Variants in ALK observed in about 807,000 individuals in gnomAD.
ALK encodes the protein ALK tyrosine kinase receptor.
In ALK, 74 loss-of-function variants were observed where a neutral mutation model predicts 163.1. The ratio of observed to expected loss-of-function variants is 0.45; its 90% CI spans 0.38 to 0.55. The LOEUF (loss-of-function observed/expected upper bound fraction) is 0.55. Ranked by LOEUF, ALK falls within the 20% of genes least tolerant of loss-of-function variation. The pLI is 0.00. For missense variants in ALK, 2,063 were observed against 2,105.3 expected, an observed-to-expected ratio of 0.98 and a Z score of 0.39; for synonymous variants, 960 against 843.2, an observed-to-expected ratio of 1.14 and a Z score of -2.40.
chr2:29,578,193 C>G (rs1674578842), intron 3 of ALK, among the ~76,000 whole-genome samples: 1 of 151,716 alleles, frequency 6.6e-6, no homozygotes, highest in Non-Finnish European at 1.5e-5. Flanking sequence ...AACGAGTTTC[C>G]CTACACAAGC....
intron 1 of ALK, among the ~76,000 whole-genome samples, chr2:29,884,032 AAATGTGAACAAATGTAAAG>A (rs1666930856): frequency 6.6e-6 from 1 of 152,234 alleles, no homozygotes; most frequent in South Asian, 2.1e-4. Flanking sequence ...TAATTGAGAG[AAATGTGAACAAATGTAAAG>A]ATGCAGCATT....
chr2:29,405,797 T>C (rs1669567613), intron 4 of ALK, among the ~76,000 whole-genome samples: 1 of 152,198 alleles, frequency 6.6e-6, no homozygotes, highest in African/African-American at 2.4e-5. Context: ...ATAATGAAGA[T>C]AGAAATGATA....
chr2:29,489,563 G>T (rs1256745713), intron 4 of ALK, among the ~76,000 whole-genome samples: 1 of 152,202 alleles, frequency 6.6e-6, no homozygotes, highest in African/African-American at 2.4e-5. Context: ...GCCTCCCAAA[G>T]TATTGGGATT....
chr2:29,517,782 T>C (rs975329251), intron 4 of ALK, among the ~76,000 whole-genome samples: 1 of 152,246 alleles, frequency 6.6e-6, no homozygotes, highest in Non-Finnish European at 1.5e-5. Context: ...TGGTGTCCTT[T>C]GTGTTTTTGT....
chr2:29,641,470 T>C (rs1014141343), intron 3 of ALK, among the ~76,000 whole-genome samples: 2 of 152,088 alleles, frequency 1.3e-5, no homozygotes, highest in Non-Finnish European at 1.5e-5. Context: ...GAACAGCCCC[T>C]GGGAAAAACA....
chr2:29,847,174 C>G (rs960978102), intron 1 of ALK, among the ~76,000 whole-genome samples: 1 of 152,178 alleles, frequency 6.6e-6, no homozygotes, highest in African/African-American at 2.4e-5. Context: ...CTCCACGATA[C>G]CTCGGTATTC....
intron 2 of ALK, among the ~76,000 whole-genome samples, chr2:29,697,922 GC>G (rs1243906402): frequency 6.6e-6 from 1 of 152,160 alleles, no homozygotes; most frequent in Admixed American, 6.5e-5. Context: ...TAGACAGCTG[GC>G]CCTGCTGCAG....
At chr2:29,707,167 G>C (rs1018371219) in intron 2 of ALK, among the ~76,000 whole-genome samples, 1 of 152,256 alleles carries the variant, frequency 6.6e-6, no homozygotes, top group African/African-American at 2.4e-5. Context: ...GATGAACTCT[G>C]AGCAATGTGG....
At chr2:29,876,366 ATGG>A (rs1196645701) in intron 1 of ALK, among the ~76,000 whole-genome samples, 1 of 149,194 alleles carries the variant, frequency 6.7e-6, no homozygotes, top group Non-Finnish European at 1.5e-5. Flanking sequence ...AATGGTGGTG[ATGG>A]TGGTGATAGT....
chr2:29,685,228 T>C (rs570127123), intron 3 of ALK, among the ~76,000 whole-genome samples: 8 of 152,246 alleles, frequency 5.3e-5, no homozygotes, highest in African/African-American at 1.9e-4. Flanking sequence ...CCAACCACCC[T>C]AGACAGGAGC....
chr2:29,473,271 A>C (rs1008047065), intron 4 of ALK, among the ~76,000 whole-genome samples: 2 of 152,244 alleles, frequency 1.3e-5, no homozygotes. Context: ...AGAAAGGAGA[A>C]TCTTTTCAAC....
chr2:29,696,076 C>A lies in ALK; in HGVS notation c.788-1062G>T, dbSNP rs574613918. 2.6e-5 allele frequency among the ~76,000 whole-genome samples: 4 copies of A among 152,296 alleles called. No homozygotes were observed. In the South Asian group the frequency reaches 8.3e-4, roughly 32 times the overall value. On this transcript the variant is annotated intron_variant, in intron 2 of 28. Transcript: ENST00000389048. ...TATAAATTATTCTACTATAAACAGACATGCCTACATATGTTTACTGAGGCA... is the reference window on the plus strand; with the variant it reads ...TATAAATTATTCTACTATAAACAGAAATGCCTACATATGTTTACTGAGGCA...
At chr2:29,903,798 T>A (rs1402200470) in intron 1 of ALK, among the ~76,000 whole-genome samples, 2 of 152,174 alleles carry the variant, frequency 1.3e-5, no homozygotes, top group Non-Finnish European at 2.9e-5. Flanking sequence ...TACATAAGAA[T>A]CAGAGAAGGT....
At chr2:29,792,373 G>T (rs929361782) in intron 1 of ALK, among the ~76,000 whole-genome samples, 41 of 152,176 alleles carry the variant, frequency 2.7e-4, no homozygotes, top group African/African-American at 9.6e-4. Context: ...TTCAGGGGGA[G>T]GGTAGCACTA....
At chr2:29,550,117 T>C (rs1214391544) in intron 3 of ALK, among the ~76,000 whole-genome samples, 2 of 152,170 alleles carry the variant, frequency 1.3e-5, no homozygotes, top group Non-Finnish European at 2.9e-5. Flanking sequence ...TGTATGACGA[T>C]AATAATAATA....
chr2:29,621,161 T>C (rs916939408), intron 3 of ALK, among the ~76,000 whole-genome samples: 5 of 152,182 alleles, frequency 3.3e-5, no homozygotes, highest in African/African-American at 1.2e-4. Context: ...CCTCTAATTT[T>C]TCATGCATAA....
chr2:29,735,588 C>A (rs180783425), intron 1 of ALK, among the ~76,000 whole-genome samples: 1 of 152,126 alleles, frequency 6.6e-6, no homozygotes, highest in East Asian at 1.9e-4. Flanking sequence ...CGTGTCCCCA[C>A]CCAAATCTCA....
intron 1 of ALK, among the ~76,000 whole-genome samples, chr2:29,778,970 A>G (rs2148349298): frequency 6.6e-6 from 1 of 152,014 alleles, no homozygotes; most frequent in South Asian, 2.1e-4. Context: ...CCTGGCTAAC[A>G]TGGTGAAACC....
At chr2:29,323,960 T>C (rs1241418989) in intron 6 of ALK, among the ~76,000 whole-genome samples, 1 of 152,236 alleles carries the variant, frequency 6.6e-6, no homozygotes, top group Non-Finnish European at 1.5e-5. Context: ...TGTAGCCTCA[T>C]CACCTATGAA....
Sources: gnomAD v4.1 joint callset for allele counts (sites outside exome capture counted in the v4.1 genomes callset) on GRCh38, gnomAD v4.1.1 for gene constraint, MANE v1.5 for transcripts, NCBI Gene and HGNC (gene_info 2026-07-23, HGNC 2026-07-21) for gene names.